Variants in ZNF221 observed in about 807,000 individuals in gnomAD.
ZNF221 encodes zinc finger protein 221.
ZNF221 carries 10 observed loss-of-function variants against 12.6 expected under a neutral mutation model. The observed-to-expected ratio is 0.79, with a 90% CI of 0.49 to 1.34. ZNF221 has a LOEUF of 1.34. ZNF221 is among the 40% of genes most tolerant of loss of function. ZNF221 has a pLI of 0.00. For missense variants in ZNF221, 661 were observed against 721.4 expected, an observed-to-expected ratio of 0.92 and a Z score of 0.96; for synonymous variants, 232 against 244.0, an observed-to-expected ratio of 0.95 and a Z score of 0.46.
chr19:43,965,394 T>A, intron 4 of ZNF221, 69 bp downstream of exon 4: 1 of 1,379,688 alleles, frequency 7.2e-7, no homozygotes, highest in Non-Finnish European at 9.8e-7. Flanking sequence ...TCCATGCCTA[T>A]TTCCATCACC....
chr19:43,962,882 G>A (rs541473935), intron 2 of ZNF221, 75 bp downstream of exon 2: 10 of 1,417,534 alleles, frequency 7.1e-6, no homozygotes, highest in Non-Finnish European at 8.7e-6. Flanking sequence ...ATCTGTCTTG[G>A]GAAGACTCAA....
chr19:43,962,916 C>T (rs1974871679), intron 2 of ZNF221, 109 bp downstream of exon 2: 1 of 1,047,822 alleles, frequency 9.5e-7, no homozygotes, highest in East Asian at 2.8e-5. Flanking sequence ...CATTTGAGGG[C>T]ATTTTGTTTG....
At chr19:43,981,314 A>G in the ZNF221 span, among the ~76,000 whole-genome samples, 1 of 152,226 alleles carries the variant, frequency 6.6e-6, no homozygotes, top group Admixed American at 6.5e-5. Context: ...TCAAGGCAAG[A>G]GTATATTTAT....
chr19:43,980,124 C>T, the ZNF221 span, among the ~76,000 whole-genome samples: 2 of 152,198 alleles, frequency 1.3e-5, no homozygotes, highest in African/African-American at 4.8e-5. Context: ...CATCAAATTC[C>T]AGCTCAATCA....
intron 4 of ZNF221, 79 bp from the exon 5 acceptor site, chr19:43,965,725 C>T: frequency 1.6e-6 from 2 of 1,277,044 alleles, no homozygotes; most frequent in South Asian, 1.5e-5. Context: ...AAGTTTAATG[C>T]CATGTCCTAA....
chr19:43,971,035 A>T (rs1271414909), downstream of ZNF221, among the ~76,000 whole-genome samples: 1 of 152,246 alleles, frequency 6.6e-6, no homozygotes, highest in African/African-American at 2.4e-5. Context: ...GGTCCCCTAC[A>T]AAGGGAAGCC....
chr19:43,966,523 G>A lies in ZNF221; in HGVS notation c.1021G>A (p.Asp341Asn). 6.2e-7 allele frequency: 1 copy of A among 1,614,146 alleles called. No homozygotes were observed. Among genetic ancestry groups the A allele is most frequent in the Non-Finnish European group, 8.5e-7 (1 of 1,180,016 alleles). The change falls in exon 5 of 5, where the codon GAT becomes AAT. Residue 341 changes from aspartate (D) to asparagine (N), a missense_variant. By Grantham distance (23) the Asp-to-Asn change is conservative. Coordinates refer to ENST00000587682, the MANE Select transcript of ZNF221 (RefSeq NM_001297588.2). ...VHTGEKPFRC[D>N]TCGKNFRQRS... ...CACAGGAGAAAAACCATTCAGATGT[G>A]ATACATGTGGCAAGAACTTTCGTCA...
chr19:43,955,320 G>A (rs1213866339), intron 1 of ZNF221, among the ~76,000 whole-genome samples: 4 of 152,080 alleles, frequency 2.6e-5, no homozygotes, highest in Non-Finnish European at 4.4e-5. Context: ...AAACAGAACA[G>A]TTTTCATCTG....
Position 43,967,287 on chromosome 19 carries a change from G to A in ZNF221, c.1785G>A (p.Trp595Ter), listed in dbSNP as rs1056159076. Residue 595 changes from tryptophan to a stop codon, truncating the protein, a stop_gained, in exon 5 of 5, where the codon TGG becomes TGA. Transcript: ENST00000587682. LOFTEE classifies it low-confidence loss of function (END_TRUNC). Reference protein sequence around the residue: ...SGEKPLKSGVWEEIYSEFTAS... With the variant: ...SGEKPLKSGV ...AAAAGCCATTGAAATCTGGAGTGTG[G>A]GAAGAGATCTACTCAGAATTCACAG... is the stretch of plus-strand genomic sequence containing the variant. 3.7e-6 allele frequency: 6 copies of A among 1,613,218 alleles called. No individual in the cohort carries two copies. The African/African-American group carries it at 8.0e-5, about 22-fold the overall frequency.
At chr19:43,962,906 C>T (rs1974871470) in intron 2 of ZNF221, 99 bp downstream of exon 2, 1 of 1,106,462 alleles carries the variant, frequency 9.0e-7, no homozygotes, top group Non-Finnish European at 1.3e-6. Flanking sequence ...GAACAACAAG[C>T]ATTTGAGGGC....
At chr19:43,956,728 A>C (rs1008532738) in intron 1 of ZNF221, among the ~76,000 whole-genome samples, 3 of 152,248 alleles carry the variant, frequency 2.0e-5, no homozygotes, top group African/African-American at 7.2e-5. Flanking sequence ...TTGGGGGATC[A>C]GCAGAGGATC....
chr19:43,969,901 G>A (rs958266866), downstream of ZNF221, among the ~76,000 whole-genome samples: 2 of 152,212 alleles, frequency 1.3e-5, no homozygotes, highest in African/African-American at 4.8e-5. Context: ...CACACCTGCT[G>A]TACCAAAAGC....
At chr19:43,981,022 C>T in the ZNF221 span, among the ~76,000 whole-genome samples, 1 of 151,972 alleles carries the variant, frequency 6.6e-6, no homozygotes, top group South Asian at 2.1e-4. Context: ...GTGGGAGAAT[C>T]GCTTGAGCCC....
At chr19:43,951,938 A>G (rs981982436) in intron 1 of ZNF221, among the ~76,000 whole-genome samples, 1 of 126,994 alleles carries the variant, frequency 7.9e-6, no homozygotes, top group Non-Finnish European at 1.6e-5. Context: ...CAGTGGCGCG[A>G]TCTCGGCTCA....
At chr19:43,972,085 AT>A (rs1271410608), downstream of ZNF221, among the ~76,000 whole-genome samples, 21 of 152,344 alleles carry the variant, frequency 1.4e-4, no homozygotes, top group East Asian at 3.9e-3. Flanking sequence ...TGAACTCAAG[AT>A]TAAGAAATTC....
chr19:43,972,044 AAC>A (rs1975108212), downstream of ZNF221, among the ~76,000 whole-genome samples: 1 of 152,194 alleles, frequency 6.6e-6, no homozygotes, highest in Admixed American at 6.5e-5. Context: ...CTGAAATCAT[AAC>A]AGTCTCTCAG....
At chr19:43,965,689 G>T in intron 4 of ZNF221, 115 bp from the exon 5 acceptor site, 2 of 989,432 alleles carry the variant, frequency 2.0e-6, no homozygotes, top group Non-Finnish European at 3.0e-6. Flanking sequence ...CGGAAAACAT[G>T]AACTTAATGT....
chr19:43,975,938 C>T, the ZNF221 span, among the ~76,000 whole-genome samples: 1 of 152,148 alleles, frequency 6.6e-6, no homozygotes, highest in Non-Finnish European at 1.5e-5. Flanking sequence ...ATTTAACAAT[C>T]ATTTGTCACT....
At position 43,966,461 on chromosome 19, in the gene ZNF221, G is replaced by A. The variant is rs140615014; in HGVS notation, c.959G>A (p.Arg320His). ...TGTGATATATGTGGTAAGAGCTTCC[G>A]TGTTAGATCAAGACTTAATAGGCAT... ...FKCDICGKSF[R>H]VRSRLNRHSM... The change falls in exon 5 of 5, where the codon CGT becomes CAT. Residue 320 changes from arginine (R) to histidine (H), a missense_variant. Arg to His is a conservative substitution (Grantham distance 29, BLOSUM62 0). Transcript: ENST00000587682. 1.4e-4 allele frequency: 220 copies of A among 1,614,148 alleles called. 2 individuals carry two copies. The Middle Eastern group carries it at 4.9e-3, about 36-fold the overall frequency.
Sources: gnomAD v4.1 joint callset for allele counts (sites outside exome capture counted in the v4.1 genomes callset) on GRCh38, gnomAD v4.1.1 for gene constraint, MANE v1.5 for transcripts, NCBI Gene and HGNC (gene_info 2026-07-23, HGNC 2026-07-21) for gene names.